HOPX: variants seen among roughly 807,000 people sequenced by gnomAD.
HOPX encodes the protein HOP homeobox, also known as homeodomain-only protein.
HOPX carries 5 observed loss-of-function variants against 11.8 expected under a neutral mutation model. That is an observed-to-expected ratio of 0.43 (90% CI 0.22 to 0.89). The LOEUF (loss-of-function observed/expected upper bound fraction) is 0.89, where lower values mean the gene tolerates loss of function less well. Among genes scored for constraint, HOPX ranks in the 40% least tolerant of loss-of-function variants. HOPX has a pLI of 0.28. For missense variants in HOPX, 119 were observed against 120.0 expected, an observed-to-expected ratio of 0.99 and a Z score of 0.04; for synonymous variants, 49 against 49.7, an observed-to-expected ratio of 0.99 and a Z score of 0.06.
intron 1 of HOPX, among the ~76,000 whole-genome samples, chr4:56,677,766 C>T (rs1719091675): frequency 6.6e-6 from 1 of 151,502 alleles, no homozygotes; most frequent in African/African-American, 2.5e-5. Context: ...CAACGACAAA[C>T]TTCACCCACT....
At chr4:56,653,734 C>A (rs894113154) in intron 3 of HOPX, among the ~76,000 whole-genome samples, 1 of 152,152 alleles carries the variant, frequency 6.6e-6, no homozygotes, top group African/African-American at 2.4e-5. Flanking sequence ...CACCCCACAT[C>A]CACTCATTTT....
chr4:56,672,954 GA>G (rs1291124564), intron 1 of HOPX, among the ~76,000 whole-genome samples: 1 of 152,180 alleles, frequency 6.6e-6, no homozygotes, highest in Non-Finnish European at 1.5e-5. Flanking sequence ...GTAAATGTTT[GA>G]AATACTAACT....
intron 1 of HOPX, among the ~76,000 whole-genome samples, chr4:56,676,919 A>G (rs1719044756): frequency 6.6e-6 from 1 of 151,682 alleles, no homozygotes; most frequent in African/African-American, 2.4e-5. Flanking sequence ...CAAACTGGGC[A>G]AAAGTGCCCG....
At chr4:56,657,076 T>C (rs1031392024) in intron 2 of HOPX, among the ~76,000 whole-genome samples, 2 of 152,166 alleles carry the variant, frequency 1.3e-5, no homozygotes, top group Non-Finnish European at 2.9e-5. Context: ...TCTAGCAAAT[T>C]TGAAGCAACA....
At chr4:56,666,014 G>A (rs1218436669) in intron 1 of HOPX, among the ~76,000 whole-genome samples, 13 of 152,144 alleles carry the variant, frequency 8.5e-5, no homozygotes, top group East Asian at 1.9e-4. Context: ...GGCAGTGCCC[G>A]GTGTCTGCTC....
In HOPX at chr4:56,678,438, ATTTTTTTT is replaced by A. The variant is rs57921708; in HGVS notation, c.-84+2809_-84+2816del. On this transcript the variant is annotated intron_variant, in intron 1 of 3. Transcript: ENST00000420433. ...GGTCCAGGGTGGGGCCTAGTCACTG[ATTTTTTTT>A]TTTTTTTTTTTTTTTTTGAGACGGA... Among the ~76,000 whole-genome samples the A allele has an allele frequency of 8.7e-4, 87 of 100,272 alleles. 2 individuals carry two copies. Among genetic ancestry groups the A allele is most frequent in the African/African-American group, 3.5e-3 (81 of 23,396 alleles). 65.8% of individuals were successfully genotyped at this position (100,272 alleles called of 152,430 possible).
chr4:56,661,716 C>T (rs1718148315), intron 1 of HOPX, among the ~76,000 whole-genome samples: 1 of 152,148 alleles, frequency 6.6e-6, no homozygotes, highest in African/African-American at 2.4e-5. Flanking sequence ...GCCTGCATGA[C>T]ATCTTGGGGC....
intron 2 of HOPX, 24 bp from the exon 3 acceptor site, chr4:56,656,036 G>A: frequency 6.5e-7 from 1 of 1,544,876 alleles, no homozygotes; most frequent in Non-Finnish European, 8.7e-7. Context: ...AGAAGCGGCG[G>A]CGGTGAGCGA....
At chr4:56,677,840 T>C (rs1439165040) in intron 1 of HOPX, among the ~76,000 whole-genome samples, 1 of 151,616 alleles carries the variant, frequency 6.6e-6, no homozygotes, top group Admixed American at 6.6e-5. Flanking sequence ...CCAGATAGAC[T>C]CATCCCAGTG....
chr4:56,675,205 G>A (rs1032315933), intron 1 of HOPX, among the ~76,000 whole-genome samples: 1 of 151,572 alleles, frequency 6.6e-6, no homozygotes, highest in South Asian at 2.1e-4. Context: ...GCTTCCCACA[G>A]GAACCCTGAG....
intron 1 of HOPX, among the ~76,000 whole-genome samples, chr4:56,661,103 C>T (rs567135892): frequency 2.6e-5 from 4 of 152,246 alleles, no homozygotes; most frequent in Admixed American, 6.5e-5. Flanking sequence ...TGAGCCACTG[C>T]GTCCAGCCAC....
intron 3 of HOPX, chr4:56,650,633 C>A: frequency 6.5e-7 from 1 of 1,545,076 alleles, no homozygotes. Flanking sequence ...ACCTGTACAG[C>A]AGAGTTTACA....
chr4:56,654,272 G>A (rs1378619466), intron 3 of HOPX, among the ~76,000 whole-genome samples: 1 of 152,186 alleles, frequency 6.6e-6, no homozygotes, highest in Non-Finnish European at 1.5e-5. Context: ...AAAATGCCTG[G>A]CAAGTATTAG....
intron 1 of HOPX, chr4:56,662,828 A>G (rs1718223450): frequency 6.6e-6 from 1 of 152,178 alleles, no homozygotes. Flanking sequence ...CTAAGATATC[A>G]CCAAATCACC....
chr4:56,663,988 G>A (rs1224528242), intron 1 of HOPX: 1 of 152,136 alleles, frequency 6.6e-6, no homozygotes, highest in Non-Finnish European at 1.5e-5. Flanking sequence ...TATTTGAAAT[G>A]TCACTTTGCT....
At chr4:56,678,768 T>A (rs1719163369) in intron 1 of HOPX, 1 of 152,058 alleles carries the variant, frequency 6.6e-6, no homozygotes, top group South Asian at 2.1e-4. Context: ...TTTTTTTTTC[T>A]TTTTTAAGTT....
chr4:56,675,609 C>T (rs1718967783), intron 1 of HOPX, among the ~76,000 whole-genome samples: 1 of 151,616 alleles, frequency 6.6e-6, no homozygotes, highest in African/African-American at 2.4e-5. Context: ...AGGCACTTTC[C>T]CAGCAAATAA....
In HOPX at chr4:56,666,326, CT is replaced by C. The variant is rs747959530; in HGVS notation, c.-83-8428del. ...ACCAGCTGGAGCTCAGTGATGATTG[CT>C]GCCACTTAATCCCTAGAGGTACAGA... is the stretch of plus-strand genomic sequence containing the variant. On this transcript the variant is annotated intron_variant, in intron 1 of 3. Transcript: ENST00000420433. Among the ~76,000 whole-genome samples, 228 of 152,326 alleles carry C rather than the reference CT, an allele frequency of 1.5e-3. 1 individual carries two copies. Among genetic ancestry groups the C allele is most frequent in the Non-Finnish European group, 2.6e-3 (175 of 68,026 alleles).
intron 1 of HOPX, among the ~76,000 whole-genome samples, chr4:56,678,592 C>A (rs1719150094): frequency 1.3e-5 from 2 of 151,840 alleles, no homozygotes; most frequent in South Asian, 2.1e-4. Context: ...ATTACAGGCG[C>A]TCACCACAAT....
Sources: gnomAD v4.1 joint callset for allele counts (sites outside exome capture counted in the v4.1 genomes callset) on GRCh38, gnomAD v4.1.1 for gene constraint, MANE v1.5 for transcripts, NCBI Gene and HGNC (gene_info 2026-07-23, HGNC 2026-07-21) for gene names.